Variants in ZNF599 observed in about 807,000 individuals in gnomAD.
ZNF599 encodes the protein zinc finger protein 599.
A neutral mutation model predicts 11.7 loss-of-function variants in ZNF599; 10 were observed. The ratio of observed to expected loss-of-function variants is 0.86; its 90% CI spans 0.53 to 1.45. The LOEUF (loss-of-function observed/expected upper bound fraction) is 1.45, where lower values mean the gene tolerates loss of function less well. ZNF599 is among the 40% of genes most tolerant of loss of function. The pLI is 0.00. For missense variants in ZNF599, 688 were observed against 713.6 expected, an observed-to-expected ratio of 0.96 and a Z score of 0.41; for synonymous variants, 232 against 253.2, an observed-to-expected ratio of 0.92 and a Z score of 0.79.
At position 34,758,539 on chromosome 19, in the gene ZNF599, G is replaced by C. The variant is rs2069086110; in HGVS notation, c.*495C>G. The C allele has an allele frequency of 6.5e-6, 1 of 153,396 alleles. No homozygotes were observed. The highest frequency in any genetic ancestry group is 2.4e-5 in the African/African-American group (1 of 41,376). 9.5% of individuals were successfully genotyped at this position (153,396 alleles called of 1,614,324 possible). On this transcript the variant is annotated 3_prime_UTR_variant, in exon 4 of 4. Transcript: ENST00000329285. ...TATATATATGTAAAACACACAAAGG[G>C]GATGAGACTTTTTCAATGTCTTATT...
At chr19:34,777,401 A>ATT, upstream of ZNF599, among the ~76,000 whole-genome samples, 1 of 88,140 alleles carries the variant, frequency 1.1e-5, no homozygotes. Context: ...TATAATATAT[A>ATT]TTATATATAA....
intron 2 of ZNF599, 121 bp from the exon 3 acceptor site, chr19:34,767,532 T>C (rs1291695971): frequency 1.1e-5 from 7 of 655,612 alleles, no homozygotes; most frequent in Non-Finnish European, 1.8e-5. Context: ...GGCCCTCCCC[T>C]GCCTCACCAA....
At chr19:34,789,919 G>A in the ZNF599 span, among the ~76,000 whole-genome samples, 81 of 152,184 alleles carry the variant, frequency 5.3e-4, no homozygotes, top group East Asian at 4.1e-3. Flanking sequence ...CCAAAAAGTC[G>A]TGGCTCAGAT....
upstream of ZNF599, chr19:34,773,277 C>A (rs911924612): frequency 1.1e-4 from 20 of 180,930 alleles, no homozygotes; most frequent in Middle Eastern, 5.9e-3. Context: ...GGCTTGGGGT[C>A]GGCTTCCGTC....
At chr19:34,770,232 G>A (rs2069174270) in intron 1 of ZNF599, among the ~76,000 whole-genome samples, 1 of 152,186 alleles carries the variant, frequency 6.6e-6, no homozygotes, top group African/African-American at 2.4e-5. Flanking sequence ...TCAGCAAATT[G>A]AGGCTCAGAG....
At chr19:34,772,655 G>A (rs535594165) in intron 1 of ZNF599, 169 bp downstream of exon 1, 2 of 1,420,670 alleles carry the variant, frequency 1.4e-6, no homozygotes, top group East Asian at 3.0e-5. Flanking sequence ...CAGGACCCTG[G>A]GTAGGAAGTG....
chr19:34,764,495 T>C lies in ZNF599; in HGVS notation c.241+2821A>G, dbSNP rs561515381. On this transcript the variant is annotated intron_variant, in intron 3 of 3. Transcript: ENST00000329285. Reference sequence around the variant, plus strand: ...TCAAGAATATTCATAAGAGTAGTCTTCATAATATTCCAAAAATGGAGACCA... The same window carrying C: ...TCAAGAATATTCATAAGAGTAGTCTCCATAATATTCCAAAAATGGAGACCA... The C allele has an allele frequency of 2.6e-5, 4 of 152,362 alleles. No individual in the cohort carries two copies. In the South Asian group the frequency reaches 8.3e-4, roughly 32 times the overall value. The allele number at this position is 152,362 out of a possible 1,614,324, so 9.4% of individuals were successfully genotyped here.
chr19:34,805,972 G>A, the ZNF599 span, among the ~76,000 whole-genome samples: 1 of 152,122 alleles, frequency 6.6e-6, no homozygotes, highest in Non-Finnish European at 1.5e-5. Context: ...ACCTCTGGCC[G>A]AGGACCCTGG....
At chr19:34,770,634 C>T (rs1345338032) in intron 1 of ZNF599, among the ~76,000 whole-genome samples, 5 of 152,190 alleles carry the variant, frequency 3.3e-5, no homozygotes, top group Admixed American at 2.0e-4. Flanking sequence ...GCACATTTCC[C>T]TTAGGTACAG....
Position 34,759,507 on chromosome 19 carries a change from A to C in ZNF599, c.1294T>G (p.Phe432Val). The C allele has an allele frequency of 6.2e-7, 1 of 1,614,092 alleles. No individual in the cohort carries two copies. Among genetic ancestry groups the C allele is most frequent in the Non-Finnish European group, 8.5e-7 (1 of 1,179,984 alleles). The change falls in exon 4 of 4, where the codon TTT becomes GTT. Residue 432 changes from phenylalanine (F) to valine (V), a missense_variant. Physicochemically the swap from Phe to Val is conservative, Grantham distance 50. Transcript: ENST00000329285. ...TGAATTAAGGAAGAGCTGTCACAAA[A>C]GGCCTTCCCACATTCTTTGCACTCA... Reference protein sequence around the residue: ...PFECKECGKAFCDSSSLIQHM... With the variant: ...PFECKECGKAVCDSSSLIQHM...
At chr19:34,788,140 T>C in the ZNF599 span, among the ~76,000 whole-genome samples, 1 of 152,152 alleles carries the variant, frequency 6.6e-6, no homozygotes, top group Non-Finnish European at 1.5e-5. Flanking sequence ...TATATGCAAA[T>C]TCTATGGCAT....
At chr19:34,761,346 T>C (rs930497428) in intron 3 of ZNF599, among the ~76,000 whole-genome samples, 8 of 152,070 alleles carry the variant, frequency 5.3e-5, no homozygotes, top group African/African-American at 1.9e-4. Flanking sequence ...TGAAAAGAGA[T>C]TAATCAATAT....
the ZNF599 span, among the ~76,000 whole-genome samples, chr19:34,804,128 G>A: frequency 6.6e-6 from 1 of 152,116 alleles, no homozygotes; most frequent in African/African-American, 2.4e-5. Context: ...AGAACAACAT[G>A]CAGGTTTTAG....
chr19:34,802,451 CAA>C, the ZNF599 span, among the ~76,000 whole-genome samples: 1 of 152,126 alleles, frequency 6.6e-6, no homozygotes, highest in Non-Finnish European at 1.5e-5. Flanking sequence ...AATCCAATGG[CAA>C]AAGAGTGGCT....
the ZNF599 span, among the ~76,000 whole-genome samples, chr19:34,803,027 A>T: frequency 6.6e-6 from 1 of 152,208 alleles, no homozygotes; most frequent in African/African-American, 2.4e-5. Flanking sequence ...TGGTATAGGA[A>T]GACATGGGGA....
intron 1 of ZNF599, among the ~76,000 whole-genome samples, chr19:34,771,048 G>A (rs1036630723): frequency 1.3e-5 from 2 of 152,150 alleles, no homozygotes; most frequent in Non-Finnish European, 2.9e-5. Flanking sequence ...GCCAAAGTGG[G>A]AAGACTGTTT....
chr19:34,796,698 A>G, the ZNF599 span, among the ~76,000 whole-genome samples: 1 of 152,112 alleles, frequency 6.6e-6, no homozygotes, highest in South Asian at 2.1e-4. Flanking sequence ...CTTTATTTCC[A>G]TATTCTTGGA....
At position 34,759,617 on chromosome 19, in the gene ZNF599, T is replaced by C. The variant is rs768677894; in HGVS notation, c.1184A>G (p.Tyr395Cys). 3 of 1,613,730 alleles carry C rather than the reference T, an allele frequency of 1.9e-6. No homozygotes were observed. The highest frequency in any genetic ancestry group is 1.6e-4 in the Middle Eastern group (1 of 6,062). ...GGCCTTTCCACATTCACCGCACTCA[T>C]AGGGTTTCTCTCCAGTGTGAATCCT... ...HMRIHTGEKPYECGECGKAFT... is the reference protein window; with the variant it reads ...HMRIHTGEKPCECGECGKAFT... Residue 395 changes from tyrosine to cysteine, a missense_variant, in exon 4 of 4, where the codon TAT becomes TGT. By Grantham distance (194) the Tyr-to-Cys change is radical. Transcript: ENST00000329285.
Position 34,760,367 on chromosome 19 carries a change from A to C in ZNF599, c.434T>G (p.Ile145Arg). ...TTTATAACTCAACTTCTCAGGGCAT[A>C]TCTCTTTGTGGGGGTTTGTTCCTGG... ...LRPGTNPHKEICPEKLSYKHD... is the reference protein window; with the variant it reads ...LRPGTNPHKERCPEKLSYKHD... Residue 145 changes from isoleucine to arginine, a missense_variant, in exon 4 of 4, where the codon ATA becomes AGA. Coordinates refer to ENST00000329285, the MANE Select transcript of ZNF599 (RefSeq NM_001007248.3). The C allele has an allele frequency of 6.2e-7, 1 of 1,614,100 alleles. No individual in the cohort carries two copies. The highest frequency in any genetic ancestry group is 8.5e-7 in the Non-Finnish European group (1 of 1,180,022).
Sources: allele counts gnomAD v4.1 joint callset (sites outside exome capture counted in the v4.1 genomes callset), GRCh38; gene constraint gnomAD v4.1.1; transcripts MANE v1.5; gene names NCBI Gene and HGNC (gene_info 2026-07-23, HGNC 2026-07-21).